Variants in SP140 observed in about 807,000 individuals in gnomAD.
SP140 encodes SP140 nuclear body protein.
SP140 carries 81 observed loss-of-function variants against 125.0 expected under a neutral mutation model. That is an observed-to-expected ratio of 0.65 (90% confidence interval 0.54 to 0.78). The LOEUF is 0.78. SP140 is among the 30% of genes least tolerant of loss of function. SP140 has a pLI of 0.00. For missense variants in SP140, 858 were observed against 1,037.0 expected (o/e 0.83, Z 2.37); for synonymous variants, 312 against 354.0 (o/e 0.88, Z 1.33).
chr2:230,187,640 T>A, the SP140 span, among the ~76,000 whole-genome samples: 355 of 152,152 alleles, frequency 2.3e-3, no homozygotes, highest in African/African-American at 8.2e-3. Flanking sequence ...AGGTTTAAAT[T>A]TTTGATCCAT....
chr2:230,280,051 T>C (rs1030192279), intron 15 of SP140, among the ~76,000 whole-genome samples: 2 of 152,194 alleles, frequency 1.3e-5, no homozygotes, highest in African/African-American at 4.8e-5. Context: ...ATCTTTTTTA[T>C]CAAGCACAAC....
intron 3 of SP140, chr2:230,215,053 T>C (rs2044953341): frequency 6.2e-7 from 1 of 1,613,212 alleles, no homozygotes; most frequent in Non-Finnish European, 8.5e-7. Flanking sequence ...TCCTCTCCAG[T>C]TGGGTGAGAA....
chr2:230,314,802 G>A (rs2059472569), downstream of SP140, among the ~76,000 whole-genome samples: 1 of 152,168 alleles, frequency 6.6e-6, no homozygotes, highest in African/African-American at 2.4e-5. Context: ...ACTGCTGAGG[G>A]GGCAGCACAT....
chr2:230,248,940 G>C lies in SP140; in HGVS notation c.948G>C (p.Gly316=), dbSNP rs1414344497. ...QVTNEGEPEK[G]LCLLPGEGEE... ...CTAATGAAGGAGAACCAGAGAAGGG[G>C]CTCTGTCTACTACCAGGTGAAGGAG... The change falls in exon 9 of 27, where the codon GGG becomes GGC. Residue 316 remains glycine (G), a synonymous_variant. Transcript: ENST00000392045. 1 of 1,611,982 alleles carries C rather than the reference G, an allele frequency of 6.2e-7. No individual in the cohort carries two copies. The highest frequency in any genetic ancestry group is 8.5e-7 in the Non-Finnish European group (1 of 1,178,268).
upstream of SP140, among the ~76,000 whole-genome samples, chr2:230,223,081 G>C (rs984485409): frequency 2.0e-5 from 3 of 149,708 alleles, no homozygotes; most frequent in Non-Finnish European, 4.4e-5. Flanking sequence ...TCTGTCTCCA[G>C]GCTAGAGTGC....
At chr2:230,230,898 C>G (rs1451553864) in intron 1 of SP140, among the ~76,000 whole-genome samples, 1 of 152,216 alleles carries the variant, frequency 6.6e-6, no homozygotes, top group Non-Finnish European at 1.5e-5. Flanking sequence ...GTCACACTTT[C>G]TGAAATTATT....
intron 22 of SP140, among the ~76,000 whole-genome samples, chr2:230,299,333 T>C (rs921617161): frequency 6.6e-6 from 1 of 152,182 alleles, no homozygotes; most frequent in African/African-American, 2.4e-5. Flanking sequence ...GAAATCCAGA[T>C]CACAGGAGAA....
At chr2:230,276,035 T>A (rs550854434) in intron 15 of SP140, among the ~76,000 whole-genome samples, 2 of 152,298 alleles carry the variant, frequency 1.3e-5, no homozygotes, top group Admixed American at 1.3e-4. Flanking sequence ...GGAAAGAAGC[T>A]GTCTCATAAC....
At chr2:230,301,590 G>T (rs1253990763) in intron 22 of SP140, among the ~76,000 whole-genome samples, 1 of 152,166 alleles carries the variant, frequency 6.6e-6, no homozygotes, top group Non-Finnish European at 1.5e-5. Flanking sequence ...AATGCTGAGA[G>T]AATTCACCAC....
chr2:230,195,361 G>A, the SP140 span, among the ~76,000 whole-genome samples: 1 of 152,154 alleles, frequency 6.6e-6, no homozygotes, highest in African/African-American at 2.4e-5. Context: ...TGGGGACAGA[G>A]TCTTGTTCTG....
rs76553410 is a variant in SP140, at chr2:230,210,667, C to T, written c.-322-2987C>T. 3.7e-3 allele frequency among the ~76,000 whole-genome samples: 562 copies of T among 152,282 alleles called. 3 individuals carry two copies. The highest frequency in any genetic ancestry group is 0.013 in the African/African-American group (524 of 41,552). ...TATAAAGCTCTGCTAGTTTTTGCTG[C>T]ACAAAGAAAGACAGAGAACTTGAAG... On this transcript the variant is annotated intron_variant, in intron 1 of 4. Coordinates refer to the SP140 transcript ENST00000456542.
intron 7 of SP140, among the ~76,000 whole-genome samples, chr2:230,247,237 G>A (rs780957680): frequency 6.6e-6 from 1 of 152,082 alleles, no homozygotes; most frequent in South Asian, 2.1e-4. Context: ...TCTCCATTTG[G>A]ATGTTTTTCA....
At chr2:230,228,705 A>G (rs897381522) in intron 1 of SP140, among the ~76,000 whole-genome samples, 1 of 152,192 alleles carries the variant, frequency 6.6e-6, no homozygotes, top group African/African-American at 2.4e-5. Context: ...TGATATAGCT[A>G]CTATACCTTT....
intron 1 of SP140, chr2:230,213,638 C>T (rs925983203): frequency 6.6e-6 from 1 of 152,630 alleles, no homozygotes; most frequent in Non-Finnish European, 1.5e-5. Context: ...AGATTCTTCT[C>T]CATCATTTAT....
intron 14 of SP140, 101 bp downstream of exon 14, chr2:230,270,054 C>T: frequency 1.3e-6 from 1 of 762,106 alleles, no homozygotes; most frequent in Non-Finnish European, 2.3e-6. Flanking sequence ...GAATTCTATT[C>T]TCCGCATTTG....
At chr2:230,206,918 A>C (rs1213254748) in intron 1 of SP140, among the ~76,000 whole-genome samples, 1 of 152,062 alleles carries the variant, frequency 6.6e-6, no homozygotes, top group Non-Finnish European at 1.5e-5. Context: ...ACCCAGGACT[A>C]GCTTCCTAGG....
rs1045172178 is a variant in SP140, at chr2:230,248,783, AG to A, written c.893-98del. 12 of 865,582 alleles carry A rather than the reference AG, an allele frequency of 1.4e-5. No individual in the cohort carries two copies. The African/African-American group carries it at 2.1e-4, about 15-fold the overall frequency. 53.6% of individuals were successfully genotyped at this position (865,582 alleles called of 1,614,324 possible). On this transcript the variant is annotated intron_variant, in intron 8 of 26. Transcript: ENST00000392045. ...AGGTGGAGAAAAGGCGGAACAAGAC[AG>A]GGGTGGCTCTCAGCATTTGCCCATC...
At chr2:230,193,758 C>T in the SP140 span, among the ~76,000 whole-genome samples, 1,001 of 152,214 alleles carry the variant, frequency 6.6e-3, 29 homozygotes, top group Non-Finnish European at 5.2e-3. Context: ...TAAAGATTTC[C>T]CTGACTATTA....
chr2:230,244,945 C>T (rs1198522541), intron 5 of SP140, 43 bp from the exon 6 acceptor site: 1 of 1,396,514 alleles, frequency 7.2e-7, no homozygotes, highest in Admixed American at 1.7e-5. Flanking sequence ...GCAGGAGCAT[C>T]CTGAGGTCTG....
Sources: allele counts gnomAD v4.1 joint callset (sites outside exome capture counted in the v4.1 genomes callset), GRCh38; gene constraint gnomAD v4.1.1; transcripts MANE v1.5; gene names NCBI Gene and HGNC (gene_info 2026-07-23, HGNC 2026-07-21).